BRWD3: variants seen among roughly 807,000 people sequenced by gnomAD.
BRWD3 encodes bromodomain and WD repeat-containing protein 3.
Under a neutral mutation model 149.7 loss-of-function variants are expected in BRWD3, and 10 were observed. The observed-to-expected ratio is 0.07, with a 90% confidence interval of 0.04 to 0.11. The LOEUF (loss-of-function observed/expected upper bound fraction) is 0.11, where lower values mean the gene tolerates loss of function less well. Ranked by LOEUF, BRWD3 falls within the 10% of genes least tolerant of loss-of-function variation. The pLI, the probability that BRWD3 is intolerant of heterozygous loss-of-function variation, is 1.00. For synonymous variants in BRWD3, 504 were observed against 456.7 expected, an observed-to-expected ratio of 1.10 and a Z score of -1.32; for missense variants, 940 against 1,373.2, an observed-to-expected ratio of 0.68 and a Z score of 4.99.
chrX:80,733,004 C>T (rs146883672), intron 12 of BRWD3, among the ~76,000 whole-genome samples: 1,459 of 110,247 alleles, frequency 0.013, 13 homozygotes, highest in Non-Finnish European at 0.022. Flanking sequence ...GTGGCATGCA[C>T]CTGTAATCCC....
In BRWD3 at chrX:80,685,638, AATC is replaced by A. The variant is rs887952336; in HGVS notation, c.4006-105_4006-103del. ...TAAGTCTCAAAGATCCATACACTGG[AATC>A]ATGTTTTATCGGCTGTACTTTAAGG... On this transcript the variant is annotated intron_variant, in intron 35 of 40. Transcript: ENST00000373275. 4.8e-6 allele frequency: 3 copies of A among 625,540 alleles called. No individual in the cohort carries two copies. In the Admixed American group the frequency reaches 8.0e-5, roughly 17 times the overall value. The allele number at this position is 625,540 out of a possible 1,213,427, so 51.6% of individuals were successfully genotyped here.
intron 24 of BRWD3, among the ~76,000 whole-genome samples, chrX:80,700,379 A>G (rs1181880190): frequency 1.1e-5 from 1 of 92,976 alleles, no homozygotes; most frequent in Non-Finnish European, 2.1e-5. Flanking sequence ...GTGCCCCTCC[A>G]TATCCACAGC....
chrX:80,698,955 T>C (rs2072741800), intron 25 of BRWD3, among the ~76,000 whole-genome samples: 2 of 111,035 alleles, frequency 1.8e-5, no homozygotes. Context: ...GGCTCATGCC[T>C]GTATCCCAGC....
chrX:80,774,023 GTTAAGTAATA>G (rs2073975237), intron 6 of BRWD3, among the ~76,000 whole-genome samples: 2 of 111,681 alleles, frequency 1.8e-5, no homozygotes, highest in African/African-American at 3.3e-5. Flanking sequence ...CTTCTAGAAA[GTTAAGTAATA>G]TTATCATTCA....
Position 80,717,604 on chromosome X carries a change from C to T in BRWD3, c.2200G>A (p.Val734Met). 1 of 1,211,545 alleles carries T rather than the reference C, an allele frequency of 8.3e-7. No homozygotes were observed. Among genetic ancestry groups the T allele is most frequent in the Non-Finnish European group, 1.1e-6 (1 of 895,329 alleles). ...ACCCCATTATTTAGTTCATTGACCA[C>T]CACTCTTCTGCTCCACGCCATGAGA... The part of the protein sequence containing the change: ...RDLMAWSRRV[V>M]VNELNNGVSR... Residue 734 changes from valine (V) to methionine (M), a missense_variant, in exon 19 of 41, where the codon GTG (valine) becomes ATG (methionine). Val to Met is a conservative substitution (Grantham distance 21). Coordinates refer to ENST00000373275, the MANE Select transcript of BRWD3 (RefSeq NM_153252.5).
At position 80,744,207 on chromosome X, in the gene BRWD3, C is replaced by T. The variant is rs1064796915; in HGVS notation, c.638G>A (p.Arg213His). The change falls in exon 8 of 41, where the codon CGC (arginine) becomes CAC (histidine). Residue 213 changes from arginine (R) to histidine (H), a missense_variant. Arg to His is a conservative substitution (Grantham distance 29). Around this residue, in one of 6 missense-constraint regions of BRWD3, gnomAD observed 209 missense variants for 396.8 expected, o/e 0.53. Coordinates refer to ENST00000373275, the MANE Select transcript of BRWD3 (RefSeq NM_153252.5). ...GTGTCCACGAAGTGTAGCAAGAAGG[C>T]GTCCATCATCTGTAGCCCAAATTTT... Reference protein sequence around the residue: ...LVKIWATDDGRLLATLRGHSA... With the variant: ...LVKIWATDDGHLLATLRGHSA... 3 of 1,211,216 alleles carry T rather than the reference C, an allele frequency of 2.5e-6. No homozygotes were observed. The highest frequency in any genetic ancestry group is 2.2e-6 in the Non-Finnish European group (2 of 895,025).
intron 6 of BRWD3, among the ~76,000 whole-genome samples, chrX:80,773,238 T>G (rs1358733939): frequency 1.8e-5 from 2 of 111,243 alleles, no homozygotes; most frequent in Non-Finnish European, 3.8e-5. Flanking sequence ...TGAGTACAAG[T>G]AAAACTGAGG....
intron 6 of BRWD3, among the ~76,000 whole-genome samples, chrX:80,777,231 C>T (rs1318185242): frequency 9.1e-6 from 1 of 110,435 alleles, no homozygotes; most frequent in Admixed American, 9.8e-5. Context: ...GAGTAACTCA[C>T]TGAATTCTGT....
chrX:80,808,416 T>G, intron 4 of BRWD3, 123 bp downstream of exon 4: 5 of 530,046 alleles, frequency 9.4e-6, no homozygotes, highest in Non-Finnish European at 6.4e-6. Flanking sequence ...GGGCAGTCGT[T>G]CTTTGGCTCT....
At chrX:80,756,113 C>T (rs1185524400) in intron 6 of BRWD3, among the ~76,000 whole-genome samples, 1 of 111,860 alleles carries the variant, frequency 8.9e-6, no homozygotes. Context: ...AATGTTCCTT[C>T]TCCCAGTTCA....
At chrX:80,754,765 G>C (rs1016210095) in intron 6 of BRWD3, among the ~76,000 whole-genome samples, 1 of 112,224 alleles carries the variant, frequency 8.9e-6, no homozygotes, top group Non-Finnish European at 1.9e-5. Flanking sequence ...CCAGCACTTT[G>C]AGAGGCTGAG....
intron 6 of BRWD3, 143 bp from the exon 7 acceptor site, chrX:80,745,872 G>T: frequency 1.9e-6 from 1 of 540,483 alleles, no homozygotes. Flanking sequence ...CCCTTACATA[G>T]TTCATGATTT....
At chrX:80,743,940 C>T in intron 8 of BRWD3, 92 bp downstream of exon 8, 1 of 755,773 alleles carries the variant, frequency 1.3e-6, no homozygotes, top group African/African-American at 2.1e-5. Flanking sequence ...TCTTGTTATT[C>T]TTTGGGCTAT....
At chrX:80,679,224 T>C (rs757802741) in intron 40 of BRWD3, among the ~76,000 whole-genome samples, 4 of 111,675 alleles carry the variant, frequency 3.6e-5, no homozygotes, top group African/African-American at 1.3e-4. Flanking sequence ...GTGATAGCAG[T>C]AGAAACTATA....
In BRWD3 at chrX:80,675,163, G is replaced by A. The variant is rs1420831443; in HGVS notation, c.*1446C>T. ...CTCAAGCTCACTTATGGAACCATGT[G>A]CACTCTACTGCTGTAAACAAGACAA... On this transcript the variant is annotated 3_prime_UTR_variant, in exon 41 of 41. Coordinates refer to ENST00000373275, the MANE Select transcript of BRWD3 (RefSeq NM_153252.5). 1 of 111,627 alleles carries A rather than the reference G, an allele frequency of 9.0e-6. No individual in the cohort carries two copies. The highest frequency in any genetic ancestry group is 3.2e-5 in the African/African-American group (1 of 30,781). 9.2% of individuals were successfully genotyped at this position (111,627 alleles called of 1,213,427 possible). A position where few individuals can be genotyped will look rare whatever the true frequency, so the allele number is the denominator to read the frequency against.
At position 80,715,129 on chromosome X, in the gene BRWD3, C is replaced by T. The variant is rs761256979; in HGVS notation, c.2325+1028G>A. Among the ~76,000 whole-genome samples the T allele has an allele frequency of 2.7e-5, 3 of 109,793 alleles. No homozygotes were observed. In the East Asian group the frequency reaches 8.6e-4, roughly 31 times the overall value. On this transcript the variant is annotated intron_variant, in intron 20 of 40. Transcript: ENST00000373275. ...AGACCTAAGTACCCTGTCCATTAGT[C>T]TCAGCCAAGTCTGATGTTTGATAAA...
chrX:80,796,162 G>A (rs749346429), intron 4 of BRWD3, among the ~76,000 whole-genome samples: 1 of 105,429 alleles, frequency 9.5e-6, no homozygotes, highest in South Asian at 4.4e-4. Flanking sequence ...TCGGAGTCTC[G>A]CTCTGTCACC....
At chrX:80,697,112 A>G (rs1172641006) in intron 25 of BRWD3, among the ~76,000 whole-genome samples, 3 of 110,497 alleles carry the variant, frequency 2.7e-5, no homozygotes, top group African/African-American at 9.9e-5. Context: ...ATGATCCGAA[A>G]TCCTACACCT....
At chrX:80,789,566 C>T (rs943769336) in intron 6 of BRWD3, among the ~76,000 whole-genome samples, 6 of 109,766 alleles carry the variant, frequency 5.5e-5, no homozygotes, top group East Asian at 2.9e-4. Context: ...TTAGTAGAGA[C>T]GGGGTTTCAC....
Sources: gnomAD v4.1 joint callset for allele counts (sites outside exome capture counted in the v4.1 genomes callset) on GRCh38, gnomAD v4.1.1 for gene constraint, gnomAD v4.1.1 regional missense constraint, MANE v1.5 for transcripts, NCBI Gene and HGNC (gene_info 2026-07-23, HGNC 2026-07-21) for gene names.